Variants in CFAP43 observed in about 807,000 individuals in gnomAD.
CFAP43 encodes the protein cilia and flagella associated protein 43.
Under a neutral mutation model 218.9 loss-of-function variants are expected in CFAP43, and 155 were observed. The observed-to-expected ratio is 0.71, with a 90% CI of 0.62 to 0.81. CFAP43 has a LOEUF of 0.81. Ranked by LOEUF, CFAP43 falls within the 30% of genes least tolerant of loss-of-function variation. The pLI is 0.00. For missense variants in CFAP43, 1,778 were observed against 1,954.3 expected (o/e 0.91, Z 1.70); for synonymous variants, 645 against 681.3 (o/e 0.95, Z 0.83).
chr10:104,222,114 T>G (rs866886674), intron 3 of CFAP43, among the ~76,000 whole-genome samples: 1 of 152,216 alleles, frequency 6.6e-6, no homozygotes, highest in South Asian at 2.1e-4. Context: ...TTAGATCAAT[T>G]TACTTCCAGG....
At chr10:104,195,091 T>C (rs2090346407) in intron 10 of CFAP43, among the ~76,000 whole-genome samples, 1 of 152,254 alleles carries the variant, frequency 6.6e-6, no homozygotes, top group South Asian at 2.1e-4. Flanking sequence ...GAGTCTTATG[T>C]ACCCTTGCAG....
At chr10:104,229,711 T>C (rs1053699547) in intron 2 of CFAP43, among the ~76,000 whole-genome samples, 2 of 152,068 alleles carry the variant, frequency 1.3e-5, no homozygotes, top group Non-Finnish European at 2.9e-5. Flanking sequence ...GTAGGCAACA[T>C]TGAGCACTTG....
intron 32 of CFAP43, 53 bp from the exon 33 acceptor site, chr10:104,142,446 AC>A: frequency 7.3e-7 from 1 of 1,375,274 alleles, no homozygotes; most frequent in Non-Finnish European, 1.0e-6. Flanking sequence ...TCAATTTTAG[AC>A]AACATACATC....
chr10:104,205,909 T>C, intron 7 of CFAP43, 54 bp downstream of exon 7: 1 of 1,459,234 alleles, frequency 6.9e-7, no homozygotes, highest in Middle Eastern at 2.0e-4. Flanking sequence ...TGGCAACAAA[T>C]GGGAATTGTG....
At chr10:104,189,159 C>T (rs929201756) in intron 12 of CFAP43, among the ~76,000 whole-genome samples, 1 of 152,142 alleles carries the variant, frequency 6.6e-6, no homozygotes, top group African/African-American at 2.4e-5. Flanking sequence ...GTAACCCCTC[C>T]CTGTCTGTGA....
intron 10 of CFAP43, 65 bp from the exon 11 acceptor site, chr10:104,194,079 A>G: frequency 6.4e-7 from 1 of 1,566,430 alleles, no homozygotes; most frequent in Non-Finnish European, 8.7e-7. Context: ...TAAGAATGCT[A>G]TTATACAGTG....
chr10:104,203,079 AC>A (rs2090579644), intron 8 of CFAP43, among the ~76,000 whole-genome samples: 1 of 152,276 alleles, frequency 6.6e-6, no homozygotes, highest in East Asian at 1.9e-4. Context: ...CTTATAGAAC[AC>A]ACATTTTCTT....
At chr10:104,196,809 A>G (rs1299972550) in intron 10 of CFAP43, 44 bp downstream of exon 10, 6 of 1,454,350 alleles carry the variant, frequency 4.1e-6, no homozygotes, top group Non-Finnish European at 5.7e-6. Context: ...AGATTGGATT[A>G]GAATTCAGTA....
chr10:104,159,628 C>A (rs561384198), intron 27 of CFAP43, among the ~76,000 whole-genome samples: 4 of 152,074 alleles, frequency 2.6e-5, no homozygotes, highest in African/African-American at 9.7e-5. Flanking sequence ...GTGGAGCTGG[C>A]GGGTGGATGC....
intron 21 of CFAP43, among the ~76,000 whole-genome samples, chr10:104,167,972 C>G (rs983689686): frequency 6.6e-5 from 10 of 152,134 alleles, no homozygotes; most frequent in African/African-American, 2.4e-4. Context: ...GTCAGTAGTT[C>G]TCAACTAGGA....
At chr10:104,178,878 GA>G (rs1564760917) in intron 19 of CFAP43, 150 bp downstream of exon 19, 2 of 550,872 alleles carry the variant, frequency 3.6e-6, no homozygotes, top group African/African-American at 3.8e-5. Flanking sequence ...GTGAATTGGA[GA>G]AATTTTATCT....
At chr10:104,188,491 T>C (rs2090104924) in intron 12 of CFAP43, 81 bp from the exon 13 acceptor site, 2 of 1,517,812 alleles carry the variant, frequency 1.3e-6, no homozygotes, top group Admixed American at 1.9e-5. Context: ...TAAGATATCA[T>C]CCATGGACTT....
chr10:104,164,150 G>A lies in CFAP43; in HGVS notation c.3190C>T (p.Pro1064Ser), dbSNP rs1191180332. Residue 1064 changes from proline (P) to serine (S), a missense_variant, in exon 24 of 38, where the codon CCA (proline) becomes TCA (serine). Physicochemically the swap from Pro to Ser is moderately conservative, Grantham distance 74. This residue lies in a region of CFAP43 where 1,553 missense variants were observed against 1,685.2 expected (regional missense o/e 0.92). Transcript: ENST00000357060. ...GGCTTCTCACAGTCTTCAAATTCTG[G>A]TTGCCAGACTGCTTCTTCCAATTCC... The part of the protein sequence containing the change: ...DLELEEAVWQ[P>S]EFEDCEKPER... 3.4e-5 allele frequency: 55 copies of A among 1,614,128 alleles called. No individual in the cohort carries two copies. The highest frequency in any genetic ancestry group is 6.6e-5 in the South Asian group (6 of 91,082).
At chr10:104,215,067 G>A (rs932333406) in intron 3 of CFAP43, among the ~76,000 whole-genome samples, 22 of 151,908 alleles carry the variant, frequency 1.4e-4, no homozygotes, top group Admixed American at 5.9e-4. Context: ...CCTGGGAGGC[G>A]GAGGTTGCAG....
At chr10:104,205,129 C>T (rs1310900621) in intron 7 of CFAP43, among the ~76,000 whole-genome samples, 10 of 139,082 alleles carry the variant, frequency 7.2e-5, no homozygotes, top group Non-Finnish European at 1.2e-4. Context: ...AGGAGAATGG[C>T]GTGAACCCAG....
At position 104,212,000 on chromosome 10, in the gene CFAP43, TA is replaced by T. The variant is rs773733918; in HGVS notation, c.735+6del. On this transcript the variant is annotated splice_donor_region_variant and intron_variant, in intron 5 of 37. Transcript: ENST00000357060. ...TAGGCAAACAGGAAGAGGTGCCAGG[TA>T]ATTACCCGGAAAGTCTCTGCCTCTT... 7 of 1,610,816 alleles carry T rather than the reference TA, an allele frequency of 4.3e-6. No individual in the cohort carries two copies. Among genetic ancestry groups the T allele is most frequent in the Non-Finnish European group, 5.1e-6 (6 of 1,177,866 alleles).
chr10:104,180,677 C>A (rs958129096), intron 17 of CFAP43, among the ~76,000 whole-genome samples: 4 of 152,088 alleles, frequency 2.6e-5, no homozygotes, highest in African/African-American at 9.7e-5. Context: ...GATCTCCTAA[C>A]CTCGTGATAT....
intron 35 of CFAP43, among the ~76,000 whole-genome samples, chr10:104,133,036 A>G (rs1296455197): frequency 6.6e-6 from 1 of 152,230 alleles, no homozygotes; most frequent in African/African-American, 2.4e-5. Context: ...TGAAAAGTAG[A>G]TTTGGGATGT....
chr10:104,177,323 T>C (rs2089666271), intron 19 of CFAP43, among the ~76,000 whole-genome samples: 1 of 152,172 alleles, frequency 6.6e-6, no homozygotes. Context: ...AAGCCATCTC[T>C]GCTCGTAGGT....
Sources: allele counts gnomAD v4.1 joint callset (sites outside exome capture counted in the v4.1 genomes callset), GRCh38; gene constraint gnomAD v4.1.1; regional missense constraint gnomAD v4.1.1; transcripts MANE v1.5; gene names NCBI Gene and HGNC (gene_info 2026-07-23, HGNC 2026-07-21).